Variants in KCNMA1 observed in about 807,000 individuals in gnomAD.
The protein encoded by KCNMA1 is Calcium-activated potassium channel subunit alpha-1.
KCNMA1 carries 29 observed loss-of-function variants against 140.0 expected under a neutral mutation model. The observed-to-expected ratio is 0.21, with a 90% CI of 0.15 to 0.28. KCNMA1 has a LOEUF of 0.28. Among genes scored for constraint, KCNMA1 ranks in the 10% least tolerant of loss-of-function variants. The pLI, the probability that KCNMA1 is intolerant of heterozygous loss-of-function variation, is 1.00. For synonymous variants in KCNMA1, 612 were observed against 611.9 expected (o/e 1.00, Z 0.00); for missense variants, 880 against 1,602.2 (o/e 0.55, Z 7.70).
chr10:77,319,928 G>A (rs369281189), intron 2 of KCNMA1, among the ~76,000 whole-genome samples: 77 of 152,326 alleles, frequency 5.1e-4, no homozygotes, highest in African/African-American at 1.8e-3. Flanking sequence ...TGTGGGGGCT[G>A]TCTGTTACTG....
intron 19 of KCNMA1, among the ~76,000 whole-genome samples, chr10:76,981,785 T>A (rs1423741765): frequency 1.3e-5 from 2 of 152,238 alleles, no homozygotes; most frequent in Non-Finnish European, 2.9e-5. Context: ...TGCATTATTA[T>A]AATTTGTGTT....
chr10:77,455,049 C>T (rs1265675421), intron 1 of KCNMA1, among the ~76,000 whole-genome samples: 3 of 152,202 alleles, frequency 2.0e-5, no homozygotes, highest in Admixed American at 6.5e-5. Context: ...CCATATTAAT[C>T]TTCATTCCCT....
In KCNMA1 at chr10:76,909,947, A is replaced by G. The variant is rs1249886729; in HGVS notation, c.3147+19T>C. 1.9e-6 allele frequency: 3 copies of G among 1,611,912 alleles called. No individual in the cohort carries two copies. In the East Asian group the frequency reaches 6.7e-5, roughly 36 times the overall value. ...CATCCTCCACCCTTGAGTGAGGAGG[A>G]GGGAACAGGATAACTCACCGCGCTC... On this transcript the variant is annotated intron_variant, in intron 25 of 27. Coordinates refer to ENST00000286628, the MANE Select transcript of KCNMA1 (RefSeq NM_001161352.2).
At chr10:77,160,126 G>A (rs1464432647) in intron 5 of KCNMA1, among the ~76,000 whole-genome samples, 2 of 152,214 alleles carry the variant, frequency 1.3e-5, no homozygotes, top group Non-Finnish European at 1.5e-5. Context: ...CTGTTCCCCT[G>A]CTCTTCTCCA....
intron 23 of KCNMA1, among the ~76,000 whole-genome samples, chr10:76,918,580 C>G (rs1405194244): frequency 6.6e-6 from 1 of 152,118 alleles, no homozygotes; most frequent in Non-Finnish European, 1.5e-5. Context: ...ATCAAAATAT[C>G]AAGAAACAGT....
chr10:76,967,375 G>A (rs1056991825), intron 20 of KCNMA1, among the ~76,000 whole-genome samples: 18 of 152,130 alleles, frequency 1.2e-4, no homozygotes, highest in African/African-American at 2.9e-4. Context: ...CGGAAGAGGC[G>A]GGGGCAACTG....
At chr10:77,506,984 C>T (rs1197018529) in intron 1 of KCNMA1, among the ~76,000 whole-genome samples, 1 of 152,082 alleles carries the variant, frequency 6.6e-6, no homozygotes, top group Non-Finnish European at 1.5e-5. Flanking sequence ...TTTGAAGCCC[C>T]TCCAGCCGCC....
intron 9 of KCNMA1, among the ~76,000 whole-genome samples, chr10:77,096,524 G>A (rs2096936594): frequency 6.6e-6 from 1 of 152,188 alleles, no homozygotes; most frequent in South Asian, 2.1e-4. Context: ...GTTCTGCGAG[G>A]GCGGGGAGGC....
At position 77,637,556 on chromosome 10, in the gene KCNMA1, G is replaced by A. The variant is rs1186030487; in HGVS notation, c.87C>T (p.Ile29=). Residue 29 remains isoleucine (I), a synonymous_variant, in exon 1 of 28, where the codon ATC becomes ATT. Transcript: ENST00000286628. ...GGSSLRMSSN[I]HANHLSLDAS... ...CGTCTAGGCTGAGATGGTTCGCGTG[G>A]ATATTGCTACTCATTCTAAGACTGC... is the stretch of plus-strand genomic sequence containing the variant. The A allele has an allele frequency of 6.5e-7, 1 of 1,543,010 alleles. No individual in the cohort carries two copies. Among genetic ancestry groups the A allele is most frequent in the East Asian group, 2.4e-5 (1 of 40,958 alleles).
chr10:77,367,857 A>T (rs2094458724), intron 2 of KCNMA1, among the ~76,000 whole-genome samples: 1 of 152,232 alleles, frequency 6.6e-6, no homozygotes, highest in Non-Finnish European at 1.5e-5. Context: ...GTTGAGATTC[A>T]TCCAAGTTGT....
At chr10:77,090,677 C>T in intron 9 of KCNMA1, 167 bp from the exon 10 acceptor site, 1 of 646,730 alleles carries the variant, frequency 1.5e-6, no homozygotes, top group Non-Finnish European at 2.8e-6. Flanking sequence ...TGAGGCAAAG[C>T]AGCGGTGCTA....
chr10:76,915,075 A>T (rs1372135677), intron 23 of KCNMA1, 26 bp from the exon 24 acceptor site: 1 of 1,536,022 alleles, frequency 6.5e-7, no homozygotes, highest in South Asian at 1.1e-5. Flanking sequence ...CAGAGGAGGA[A>T]GAAAAATCAG....
At chr10:77,468,771 T>C (rs1409146453) in intron 1 of KCNMA1, among the ~76,000 whole-genome samples, 2 of 152,158 alleles carry the variant, frequency 1.3e-5, no homozygotes, top group Non-Finnish European at 2.9e-5. Context: ...AGTGCCTCCC[T>C]TTCCTCATCA....
At chr10:77,489,165 A>G (rs1283284757) in intron 1 of KCNMA1, among the ~76,000 whole-genome samples, 1 of 152,224 alleles carries the variant, frequency 6.6e-6, no homozygotes, top group Non-Finnish European at 1.5e-5. Flanking sequence ...GGTGCCAGTT[A>G]CATTTGAAAT....
chr10:77,609,652 A>G lies in KCNMA1; in HGVS notation c.378+27613T>C, dbSNP rs189267753. 3.3e-4 allele frequency among the ~76,000 whole-genome samples: 51 copies of G among 152,364 alleles called. 1 individual carries two copies. Among genetic ancestry groups the G allele is most frequent in the Non-Finnish European group, 5.6e-4 (38 of 68,036 alleles). Reference sequence around the variant, plus strand: ...ATACGATAATTAGCTCAATTCAGCCATTCCACAATGTATACATATTTCAAA... The same window carrying G: ...ATACGATAATTAGCTCAATTCAGCCGTTCCACAATGTATACATATTTCAAA... On this transcript the variant is annotated intron_variant, in intron 1 of 27. Coordinates refer to ENST00000286628, the MANE Select transcript of KCNMA1 (RefSeq NM_001161352.2).
chr10:77,509,386 C>A (rs947602726), intron 1 of KCNMA1, among the ~76,000 whole-genome samples: 6 of 152,046 alleles, frequency 3.9e-5, no homozygotes, highest in African/African-American at 2.4e-5. Flanking sequence ...TCAAAGTTCT[C>A]GGATTATAGG....
intron 2 of KCNMA1, among the ~76,000 whole-genome samples, chr10:77,385,331 C>A (rs2095562640): frequency 6.6e-6 from 1 of 152,220 alleles, no homozygotes; most frequent in African/African-American, 2.4e-5. Flanking sequence ...CCACATGTTT[C>A]TGACTCTCAG....
chr10:77,028,876 G>A (rs558669684), intron 15 of KCNMA1, among the ~76,000 whole-genome samples: 5 of 152,170 alleles, frequency 3.3e-5, no homozygotes, highest in Non-Finnish European at 5.9e-5. Flanking sequence ...AACAAAAGGT[G>A]CAGTAAAATG....
intron 24 of KCNMA1, chr10:76,911,871 A>G (rs10733906): frequency 0.86 from 130,844 of 152,196 alleles, 56,458 homozygotes; most frequent in East Asian, 0.94. Flanking sequence ...GGAAGAATGC[A>G]GTTTTAGTTA....
Sources: gnomAD v4.1 joint callset for allele counts (sites outside exome capture counted in the v4.1 genomes callset) on GRCh38, gnomAD v4.1.1 for gene constraint, MANE v1.5 for transcripts, NCBI Gene and HGNC (gene_info 2026-07-23, HGNC 2026-07-21) for gene names.